The following TNNI3K variants were observed in gnomAD, a reference collection of about 807,000 sequenced individuals.
TNNI3K encodes the protein serine/threonine-protein kinase TNNI3K.
Under a neutral mutation model 114.5 loss-of-function variants are expected in TNNI3K, and 140 were observed. The observed-to-expected ratio is 1.22, with a 90% CI of 1.07 to 1.41. The LOEUF is 1.41. Among genes scored for constraint, TNNI3K ranks in the 40% most tolerant of loss-of-function variants. The probability of loss-of-function intolerance (pLI) is 0.00; values close to 1 mark genes in which losing one functional copy is unlikely to be tolerated. For synonymous variants in TNNI3K, 347 were observed against 347.5 expected (o/e 1.00, Z 0.02); for missense variants, 1,125 against 1,007.6 (o/e 1.12, Z -1.58).
At chr1:74,503,846 G>A (rs962804737) in intron 23 of TNNI3K, among the ~76,000 whole-genome samples, 4 of 152,154 alleles carry the variant, frequency 2.6e-5, no homozygotes. Context: ...GTGGTATGGG[G>A]CTGAAAAGGG....
At chr1:74,463,884 C>G (rs1323414266) in intron 21 of TNNI3K, among the ~76,000 whole-genome samples, 5 of 152,172 alleles carry the variant, frequency 3.3e-5, no homozygotes, top group African/African-American at 4.8e-5. Context: ...AAATTTGGCA[C>G]AAGATGGATT....
At chr1:74,256,202 C>A (rs1655285433) in intron 4 of TNNI3K, among the ~76,000 whole-genome samples, 1 of 150,414 alleles carries the variant, frequency 6.6e-6, no homozygotes, top group Non-Finnish European at 1.5e-5. Flanking sequence ...AACAAACTAG[C>A]AATTCCTTCC....
chr1:74,237,031 A>G (rs1393683869), intron 2 of TNNI3K, among the ~76,000 whole-genome samples: 1 of 151,952 alleles, frequency 6.6e-6, no homozygotes, highest in African/African-American at 2.4e-5. Flanking sequence ...TAAAGCAATG[A>G]CCAAATGACA....
chr1:74,319,766 G>A (rs890289518), intron 5 of TNNI3K, among the ~76,000 whole-genome samples: 6 of 152,186 alleles, frequency 3.9e-5, no homozygotes, highest in Admixed American at 1.3e-4. Context: ...AACAAGAAAC[G>A]GGTGCTGGGT....
intron 23 of TNNI3K, among the ~76,000 whole-genome samples, chr1:74,494,072 A>G (rs1669212466): frequency 6.6e-6 from 1 of 152,136 alleles, no homozygotes; most frequent in Admixed American, 6.5e-5. Context: ...TGAAGAGTGC[A>G]TACTTTCCAA....
chr1:74,326,012 G>A (rs1294371855), intron 5 of TNNI3K, among the ~76,000 whole-genome samples: 2 of 152,066 alleles, frequency 1.3e-5, no homozygotes, highest in South Asian at 2.1e-4. Flanking sequence ...AATAATAAAG[G>A]TGAGACACAG....
At position 74,522,702 on chromosome 1, in the gene TNNI3K, C is replaced by T. The variant is rs1336339051; in HGVS notation, c.2352-17532C>T. On this transcript the variant is annotated intron_variant, in intron 23 of 24. Coordinates refer to ENST00000326637, the MANE Select transcript of TNNI3K (RefSeq NM_015978.3). ...AGAGAAATGCCCCAGGAAGCAATCCCAGAATAACATGATTCATTTTCTGAT... is the reference window on the plus strand; with the variant it reads ...AGAGAAATGCCCCAGGAAGCAATCCTAGAATAACATGATTCATTTTCTGAT... Among the ~76,000 whole-genome samples the T allele has an allele frequency of 2.0e-5, 3 of 151,942 alleles. No homozygotes were observed. The East Asian group carries it at 5.8e-4, about 29-fold the overall frequency.
intron 23 of TNNI3K, among the ~76,000 whole-genome samples, chr1:74,505,708 A>G (rs1303402041): frequency 6.6e-6 from 1 of 152,236 alleles, no homozygotes; most frequent in Non-Finnish European, 1.5e-5. Context: ...ATTTCTCATT[A>G]TCTCCTTGGA....
At chr1:74,268,882 C>G (rs147368624) in intron 4 of TNNI3K, among the ~76,000 whole-genome samples, 5 of 151,958 alleles carry the variant, frequency 3.3e-5, no homozygotes, top group African/African-American at 1.2e-4. Context: ...TTCCCTACTA[C>G]TTATTGCACT....
chr1:74,507,410 C>A (rs1488060801), intron 23 of TNNI3K, among the ~76,000 whole-genome samples: 1 of 152,118 alleles, frequency 6.6e-6, no homozygotes, highest in Non-Finnish European at 1.5e-5. Flanking sequence ...TTATTGATGT[C>A]TTTGTATGTC....
At position 74,539,451 on chromosome 1, in the gene TNNI3K, G is replaced by A. The variant is rs577676462; in HGVS notation, c.2352-783G>A. Among the ~76,000 whole-genome samples the A allele has an allele frequency of 3.9e-5, 6 of 152,288 alleles. No individual in the cohort carries two copies. In the South Asian group the frequency reaches 1.2e-3, roughly 32 times the overall value. On this transcript the variant is annotated intron_variant, in intron 23 of 24. Coordinates refer to ENST00000326637, the MANE Select transcript of TNNI3K (RefSeq NM_015978.3). Reference sequence around the variant, plus strand: ...TACAATTAACTGACTGATGTAGTTAGATGCTAGGATGAAGATTTTGATAAA... The same window carrying A: ...TACAATTAACTGACTGATGTAGTTAAATGCTAGGATGAAGATTTTGATAAA...
chr1:74,430,133 A>G (rs1665823606), intron 17 of TNNI3K, among the ~76,000 whole-genome samples: 1 of 152,142 alleles, frequency 6.6e-6, no homozygotes, highest in Non-Finnish European at 1.5e-5. Flanking sequence ...TAAGGCCACC[A>G]TGAACTTCAG....
intron 9 of TNNI3K, among the ~76,000 whole-genome samples, chr1:74,348,959 T>A (rs1661178925): frequency 6.6e-6 from 1 of 152,196 alleles, no homozygotes; most frequent in Non-Finnish European, 1.5e-5. Context: ...CCATTTGACT[T>A]CCTCTTTTCC....
intron 17 of TNNI3K, among the ~76,000 whole-genome samples, chr1:74,385,283 A>G (rs574391266): frequency 1.3e-5 from 2 of 152,316 alleles, no homozygotes; most frequent in East Asian, 1.9e-4. Flanking sequence ...TTTTGGGGTG[A>G]CAGAAATATT....
chr1:74,276,140 C>A (rs1435219409), intron 5 of TNNI3K, among the ~76,000 whole-genome samples: 1 of 152,016 alleles, frequency 6.6e-6, no homozygotes, highest in Non-Finnish European at 1.5e-5. Flanking sequence ...CAATTAGCTC[C>A]ACACATGTTG....
In TNNI3K at chr1:74,331,175, C is replaced by T. The variant is rs547606534; in HGVS notation, c.445-275C>T. The stretch of plus-strand genomic sequence containing the variant: ...GAGCAGGAAGCTGGATGCAGTTTGA[C>T]TCTACAATTGGGTTTAGGAAAGAGA... On this transcript the variant is annotated intron_variant, in intron 5 of 24. Coordinates refer to ENST00000326637, the MANE Select transcript of TNNI3K (RefSeq NM_015978.3). 5.3e-4 allele frequency among the ~76,000 whole-genome samples: 80 copies of T among 152,086 alleles called. 1 individual carries two copies. Among genetic ancestry groups the T allele is most frequent in the African/African-American group, 1.7e-3 (72 of 41,378 alleles).
At chr1:74,465,180 C>T (rs1466920973) in intron 21 of TNNI3K, among the ~76,000 whole-genome samples, 3 of 152,192 alleles carry the variant, frequency 2.0e-5, no homozygotes, top group African/African-American at 4.8e-5. Context: ...ACTCTGGCCA[C>T]ACATGAGGAA....
At chr1:74,535,753 T>C (rs975014994) in intron 23 of TNNI3K, among the ~76,000 whole-genome samples, 3 of 152,198 alleles carry the variant, frequency 2.0e-5, no homozygotes, top group African/African-American at 7.2e-5. Context: ...GGGAATGTCA[T>C]CTATATGAAA....
At chr1:74,267,340 G>A (rs1656056074) in intron 4 of TNNI3K, among the ~76,000 whole-genome samples, 1 of 151,878 alleles carries the variant, frequency 6.6e-6, no homozygotes, top group African/African-American at 2.4e-5. Context: ...AGGCTTATCA[G>A]TTAAATACAG....
Sources: allele counts gnomAD v4.1 joint callset (sites outside exome capture counted in the v4.1 genomes callset), GRCh38; gene constraint gnomAD v4.1.1; transcripts MANE v1.5; gene names NCBI Gene and HGNC (gene_info 2026-07-23, HGNC 2026-07-21).